The following ASB3 variants were observed in gnomAD, a reference collection of about 807,000 sequenced individuals.
ASB3 encodes the protein ankyrin repeat and SOCS box protein 3.
Under a neutral mutation model 54.5 loss-of-function variants are expected in ASB3, and 41 were observed. The ratio of observed to expected loss-of-function variants is 0.75; its 90% CI spans 0.59 to 0.98. The LOEUF is 0.98. ASB3 is among the 50% of genes least tolerant of loss of function. ASB3 has a pLI of 0.00. For missense variants in ASB3, 733 were observed against 620.0 expected, an observed-to-expected ratio of 1.18 and a Z score of -1.94; for synonymous variants, 266 against 221.2, an observed-to-expected ratio of 1.20 and a Z score of -1.80.
chr2:53,725,684 G>A (rs1231669911), intron 5 of ASB3, among the ~76,000 whole-genome samples: 1 of 151,972 alleles, frequency 6.6e-6, no homozygotes, highest in Non-Finnish European at 1.5e-5. Context: ...TCATCAAGAC[G>A]GAAAAGGCTG....
chr2:53,693,758 T>A (rs952329058), intron 9 of ASB3, 126 bp downstream of exon 9: 2 of 1,365,802 alleles, frequency 1.5e-6, no homozygotes, highest in Non-Finnish European at 1.9e-6. Flanking sequence ...TTTCCTCACA[T>A]AAGAAAATGC....
chr2:53,724,036 A>G (rs1670854971), intron 5 of ASB3, among the ~76,000 whole-genome samples: 1 of 152,208 alleles, frequency 6.6e-6, no homozygotes, highest in South Asian at 2.1e-4. Context: ...CTGAGAAAGA[A>G]TTTATGACTA....
At chr2:53,700,179 C>T in intron 8 of ASB3, 92 bp downstream of exon 8, 1 of 1,510,354 alleles carries the variant, frequency 6.6e-7, no homozygotes, top group Non-Finnish European at 8.9e-7. Context: ...ACACAGATAC[C>T]CTTCTCCAAA....
chr2:53,720,855 T>C (rs1670664091), intron 5 of ASB3, among the ~76,000 whole-genome samples: 1 of 151,828 alleles, frequency 6.6e-6, no homozygotes, highest in African/African-American at 2.4e-5. Flanking sequence ...CTCAATAAAT[T>C]TAAAAAACTG....
chr2:53,685,278 G>C (rs563927130), intron 9 of ASB3, among the ~76,000 whole-genome samples: 26 of 152,316 alleles, frequency 1.7e-4, no homozygotes, highest in African/African-American at 6.3e-4. Flanking sequence ...AACAAAGGCA[G>C]TAGAAGAAGA....
chr2:53,749,950 T>A (rs923273110), intron 3 of ASB3, among the ~76,000 whole-genome samples: 1 of 152,066 alleles, frequency 6.6e-6, no homozygotes, highest in Admixed American at 6.6e-5. Flanking sequence ...TTAAGTAATA[T>A]TTTTAAGTCC....
Position 53,769,595 on chromosome 2 carries a change from C to T in ASB3, c.-13-4010G>A, listed in dbSNP as rs954057980. On this transcript the variant is annotated intron_variant, in intron 1 of 9. Transcript: ENST00000263634. ...GGCGTGGTGGTTCCCGCCTATAATC[C>T]CAGCACTTTAGGAGGCCTAGGCGGG... Among the ~76,000 whole-genome samples, 3 of 152,160 alleles carry T rather than the reference C, an allele frequency of 2.0e-5. 1 individual carries two copies. Among genetic ancestry groups the T allele is most frequent in the Non-Finnish European group, 4.4e-5 (3 of 68,042 alleles).
rs1671181503 is a variant in ASB3 at position 53,729,453 on chromosome 2, G to A, written c.468+5C>T. ...TGGAAATGAAATAATAAATTCAGAG[G>A]TTACCTGAAAAGAAGCCTGGTGCAA... On this transcript the variant is annotated splice_donor_5th_base_variant and intron_variant, in intron 4 of 9. Coordinates refer to ENST00000263634, the MANE Select transcript of ASB3 (RefSeq NM_016115.5). 1 of 1,612,204 alleles carries A rather than the reference G, an allele frequency of 6.2e-7. No homozygotes were observed. Among genetic ancestry groups the A allele is most frequent in the Non-Finnish European group, 8.5e-7 (1 of 1,178,436 alleles).
intron 1 of ASB3, chr2:53,774,215 GAGAAAAAGGAGGCTAC>G: frequency 6.2e-7 from 1 of 1,613,970 alleles, no homozygotes; most frequent in Non-Finnish European, 8.5e-7. Context: ...CTTGACTTCA[GAGAAAAAGGAGGCTAC>G]AGAACCACAA....
At chr2:53,740,553 A>G (rs1228418401) in intron 3 of ASB3, among the ~76,000 whole-genome samples, 1 of 152,238 alleles carries the variant, frequency 6.6e-6, no homozygotes, top group Non-Finnish European at 1.5e-5. Flanking sequence ...GATATACAGA[A>G]TTTTTTAAAA....
chr2:53,738,278 A>T (rs1463216752), intron 3 of ASB3, among the ~76,000 whole-genome samples: 1 of 152,214 alleles, frequency 6.6e-6, no homozygotes, highest in Non-Finnish European at 1.5e-5. Context: ...CCCATCTAGG[A>T]CCACATGTTA....
intron 3 of ASB3, among the ~76,000 whole-genome samples, chr2:53,742,183 C>A (rs1369014023): frequency 1.3e-5 from 2 of 152,202 alleles, no homozygotes; most frequent in African/African-American, 2.4e-5. Flanking sequence ...AAAAATCCCA[C>A]AGCTGCCAAC....
At chr2:53,704,693 C>T (rs1669675430) in intron 7 of ASB3, among the ~76,000 whole-genome samples, 1 of 152,002 alleles carries the variant, frequency 6.6e-6, no homozygotes, top group Non-Finnish European at 1.5e-5. Flanking sequence ...ATTACATATA[C>T]AGTAAATGTA....
At chr2:53,733,554 G>A (rs887907140) in intron 3 of ASB3, among the ~76,000 whole-genome samples, 1 of 151,904 alleles carries the variant, frequency 6.6e-6, no homozygotes, top group Non-Finnish European at 1.5e-5. Context: ...CGGTTCTCCT[G>A]CGTCAGCCTC....
At chr2:53,727,544 C>G (rs6705712) in intron 5 of ASB3, among the ~76,000 whole-genome samples, 50,754 of 151,798 alleles carry the variant, frequency 0.33, 8,768 homozygotes, top group East Asian at 0.61. Flanking sequence ...GCTAAAGGGG[C>G]AAAATCGCTG....
intron 3 of ASB3, among the ~76,000 whole-genome samples, chr2:53,737,491 G>T (rs1291308867): frequency 6.6e-6 from 1 of 152,156 alleles, no homozygotes; most frequent in Non-Finnish European, 1.5e-5. Flanking sequence ...GGTTGCACAT[G>T]TACAAGGTAA....
At position 53,698,140 on chromosome 2, in the gene ASB3, G is replaced by A. The variant is rs986607722; in HGVS notation, c.1238+2131C>T. Among the ~76,000 whole-genome samples, 4 of 152,168 alleles carry A rather than the reference G, an allele frequency of 2.6e-5. No individual in the cohort carries two copies. In the South Asian group the frequency reaches 8.3e-4, roughly 31 times the overall value. On this transcript the variant is annotated intron_variant, in intron 8 of 9. Transcript: ENST00000263634. ...AACAACCTCTGGAATCTAGGTGGAG[G>A]AATCCATGCCCCCACAGCTCTTGCA...
At chr2:53,729,753 A>G (rs562195641) in intron 3 of ASB3, among the ~76,000 whole-genome samples, 183 bp from the exon 4 acceptor site, 5 of 152,336 alleles carry the variant, frequency 3.3e-5, no homozygotes, top group South Asian at 4.1e-4. Flanking sequence ...TTCTGAACAC[A>G]TGCAAAATGA....
chr2:53,681,078 T>C (rs1452216066), intron 9 of ASB3, among the ~76,000 whole-genome samples: 1 of 152,192 alleles, frequency 6.6e-6, no homozygotes, highest in African/African-American at 2.4e-5. Context: ...TTTTTTATGG[T>C]TGAATAGTAC....
Sources: allele counts gnomAD v4.1 joint callset (sites outside exome capture counted in the v4.1 genomes callset), GRCh38; gene constraint gnomAD v4.1.1; transcripts MANE v1.5; gene names NCBI Gene and HGNC (gene_info 2026-07-23, HGNC 2026-07-21).